Variants in ENOSF1 observed in about 807,000 individuals in gnomAD.
The protein encoded by ENOSF1 is enolase superfamily member 1.
In ENOSF1, 73 loss-of-function variants were observed where a neutral mutation model predicts 68.2. That is an observed-to-expected ratio of 1.07 (90% CI 0.89 to 1.30). The LOEUF is 1.30. ENOSF1 is among the 50% of genes most tolerant of loss of function. The pLI, the probability that ENOSF1 is intolerant of heterozygous loss-of-function variation, is 0.00. For synonymous variants in ENOSF1, 223 were observed against 210.4 expected, an observed-to-expected ratio of 1.06 and a Z score of -0.52; for missense variants, 589 against 554.5, an observed-to-expected ratio of 1.06 and a Z score of -0.62.
chr18:693,092 C>A, intron 5 of ENOSF1: 6 of 1,288,778 alleles, frequency 4.7e-6, no homozygotes, highest in Non-Finnish European at 6.1e-6. Context: ...AACCCGGACT[C>A]ACAGCCAGCT....
chr18:711,183 T>C (rs1598849453), intron 1 of ENOSF1, among the ~76,000 whole-genome samples: 2 of 152,008 alleles, frequency 1.3e-5, no homozygotes, highest in South Asian at 2.1e-4. Context: ...AATAAATAAA[T>C]AAATAAATTT....
chr18:665,501 T>C (rs1176632701), downstream of ENOSF1, among the ~76,000 whole-genome samples: 3 of 144,006 alleles, frequency 2.1e-5, no homozygotes, highest in Non-Finnish European at 4.5e-5. Context: ...GGGTTTTTTG[T>C]GTCTCTATTT....
chr18:699,440 T>A (rs989795873), intron 2 of ENOSF1, among the ~76,000 whole-genome samples: 4 of 151,982 alleles, frequency 2.6e-5, no homozygotes, highest in South Asian at 2.1e-4. Flanking sequence ...ATTGTGCCAC[T>A]GCACTCCAGC....
At chr18:707,945 T>C (rs2079109762) in intron 1 of ENOSF1, among the ~76,000 whole-genome samples, 1 of 151,854 alleles carries the variant, frequency 6.6e-6, no homozygotes, top group African/African-American at 2.4e-5. Context: ...CTGCAACCTC[T>C]GCCTCCTGGA....
At chr18:668,152 T>C (rs982366176), downstream of ENOSF1, among the ~76,000 whole-genome samples, 1 of 152,144 alleles carries the variant, frequency 6.6e-6, no homozygotes, top group Non-Finnish European at 1.5e-5. Flanking sequence ...TGTGTATGTG[T>C]GTATTTGCAA....
chr18:704,474 CCT>C (rs771357189), intron 2 of ENOSF1, among the ~76,000 whole-genome samples: 12 of 147,226 alleles, frequency 8.2e-5, no homozygotes, highest in Non-Finnish European at 1.3e-4. Flanking sequence ...CCTAATATAT[CCT>C]CTCTCTGTAA....
intron 11 of ENOSF1, among the ~76,000 whole-genome samples, chr18:679,009 C>T (rs1488847863): frequency 6.6e-6 from 1 of 152,162 alleles, no homozygotes; most frequent in African/African-American, 2.4e-5. Context: ...CCGGCCCATG[C>T]TCCAGCTGCG....
At chr18:709,768 T>TA (rs557376583) in intron 1 of ENOSF1, among the ~76,000 whole-genome samples, 61 of 143,850 alleles carry the variant, frequency 4.2e-4, no homozygotes, top group African/African-American at 6.9e-4. Flanking sequence ...AGACTCTGTC[T>TA]AAAAAAAAAA....
Position 689,847 on chromosome 18 carries a change from G to T in ENOSF1, c.618+702C>A, listed in dbSNP as rs150798202. Among the ~76,000 whole-genome samples the T allele has an allele frequency of 6.3e-3, 947 of 150,880 alleles. 3 individuals are homozygous for T. The highest frequency in any genetic ancestry group is 0.01 in the Middle Eastern group (3 of 294). On this transcript the variant is annotated intron_variant, in intron 8 of 15. Transcript: ENST00000647584. ...GCTGGGGACCAGAAAGACCTGAAAG[G>T]CATGATTGTGGGGTTGGAAACTTTA...
At chr18:666,899 ATGGAGATG>A (rs1567989276), downstream of ENOSF1, among the ~76,000 whole-genome samples, 9,149 of 56,324 alleles carry the variant, frequency 0.16, 902 homozygotes, top group Non-Finnish European at 0.19. Context: ...GGAGATGGTG[ATGGAGATG>A]GTGATGGTGA....
At chr18:694,204 G>C in intron 4 of ENOSF1, 44 bp downstream of exon 4, 2 of 1,572,236 alleles carry the variant, frequency 1.3e-6, no homozygotes, top group Non-Finnish European at 1.7e-6. Flanking sequence ...AGTCAGTGTC[G>C]TACAGCTCCC....
chr18:667,505 T>A (rs865898175), downstream of ENOSF1, among the ~76,000 whole-genome samples: 187 of 38,826 alleles, frequency 4.8e-3, 9 homozygotes, highest in Middle Eastern at 0.014. Context: ...ATGGAGATGG[T>A]GATGGTGATG....
chr18:671,492 C>T lies in ENOSF1; in HGVS notation c.*2813G>A, dbSNP rs745511919. 1 of 1,309,628 alleles carries T rather than the reference C, an allele frequency of 7.6e-7. No individual in the cohort carries two copies. Among genetic ancestry groups the T allele is most frequent in the South Asian group, 1.2e-5 (1 of 84,248 alleles). The allele number at this position is 1,309,628 out of a possible 1,614,324, so 81.1% of individuals were successfully genotyped here. Reference sequence around the variant, plus strand: ...TATACTTTTGGGTTTGGTACCTTCTCTTGATAAAAGGTTGACTGTGGAACA... The same window carrying T: ...TATACTTTTGGGTTTGGTACCTTCTTTTGATAAAAGGTTGACTGTGGAACA... On this transcript the variant is annotated 3_prime_UTR_variant, in exon 16 of 16. Coordinates refer to ENST00000647584, the MANE Select transcript of ENOSF1 (RefSeq NM_017512.7).
At chr18:689,833 G>C (rs542196762) in intron 8 of ENOSF1, among the ~76,000 whole-genome samples, 1 of 152,290 alleles carries the variant, frequency 6.6e-6, no homozygotes, top group Admixed American at 6.5e-5. Context: ...CTGGGGACCA[G>C]AAAGACCTGA....
At chr18:669,366 A>ATTT (rs68090938), downstream of ENOSF1, 2,712 of 191,814 alleles carry the variant, frequency 0.014, 42 homozygotes, top group African/African-American at 0.031. Flanking sequence ...GGCCCAGAGG[A>ATTT]TTTTTTTTTT....
intron 9 of ENOSF1, chr18:687,997 T>A (rs1379370589): frequency 6.5e-6 from 1 of 153,468 alleles, no homozygotes. Context: ...CGAAACCCTG[T>A]CTCTATTAAA....
chr18:692,150 A>T (rs537486098), intron 5 of ENOSF1: 1 of 152,112 alleles, frequency 6.6e-6, no homozygotes, highest in Non-Finnish European at 1.5e-5. Context: ...ACTTACCAAC[A>T]TTTCGGCGGG....
In ENOSF1 at chr18:672,829, T is replaced by C. The variant is rs766524049; in HGVS notation, c.*1476A>G. On this transcript the variant is annotated 3_prime_UTR_variant, in exon 16 of 16. Coordinates refer to ENST00000647584, the MANE Select transcript of ENOSF1 (RefSeq NM_017512.7). Reference sequence around the variant, plus strand: ...GCAATTACAACAGGTCGTACAATTATGGCAAAATAATGGCCTTATTTTGTT... The same window carrying C: ...GCAATTACAACAGGTCGTACAATTACGGCAAAATAATGGCCTTATTTTGTT... 15 of 1,542,542 alleles carry C rather than the reference T, an allele frequency of 9.7e-6. No homozygotes were observed. The highest frequency in any genetic ancestry group is 1.2e-5 in the South Asian group (1 of 82,586).
At chr18:709,216 C>A (rs1344512674) in intron 1 of ENOSF1, among the ~76,000 whole-genome samples, 1 of 152,096 alleles carries the variant, frequency 6.6e-6, no homozygotes, top group Non-Finnish European at 1.5e-5. Context: ...TAAAGGGTGG[C>A]ACCGAAGTCA....
Sources: gnomAD v4.1 joint callset for allele counts (sites outside exome capture counted in the v4.1 genomes callset) on GRCh38, gnomAD v4.1.1 for gene constraint, MANE v1.5 for transcripts, NCBI Gene and HGNC (gene_info 2026-07-23, HGNC 2026-07-21) for gene names.